Variants in PAPSS2 observed in about 807,000 individuals in gnomAD.
PAPSS2 encodes bifunctional 3'-phosphoadenosine 5'-phosphosulfate synthase 2.
PAPSS2 carries 61 observed loss-of-function variants against 66.5 expected under a neutral mutation model. That is an observed-to-expected ratio of 0.92 (90% CI 0.75 to 1.14). PAPSS2 has a LOEUF of 1.14. Among genes scored for constraint, PAPSS2 ranks in the 50% most tolerant of loss-of-function variants. The pLI is 0.00. For synonymous variants in PAPSS2, 289 were observed against 287.5 expected (o/e 1.01, Z -0.05); for missense variants, 708 against 789.6 (o/e 0.90, Z 1.24).
chr10:87,744,969 A>G (rs1262393889), intron 11 of PAPSS2, 33 bp from the exon 12 acceptor site: 1 of 1,586,410 alleles, frequency 6.3e-7, no homozygotes, highest in Non-Finnish European at 8.7e-7. Context: ...TTGACCCACA[A>G]TGACCAGCAT....
intron 1 of PAPSS2, among the ~76,000 whole-genome samples, chr10:87,672,099 A>C (rs2131897297): frequency 6.6e-6 from 1 of 152,312 alleles, no homozygotes; most frequent in South Asian, 2.1e-4. Context: ...AGTATTACAA[A>C]TCATAGATTA....
intron 1 of PAPSS2, among the ~76,000 whole-genome samples, chr10:87,705,979 G>T (rs1235877009): frequency 6.7e-6 from 1 of 150,240 alleles, no homozygotes; most frequent in Admixed American, 6.6e-5. Flanking sequence ...TGATCTGCCC[G>T]CCTCGGCCTC....
In PAPSS2 at chr10:87,716,803, A is replaced by G. The variant is rs148310757; in HGVS notation, c.865+960A>G. Among the ~76,000 whole-genome samples the G allele has an allele frequency of 1.1e-4, 17 of 152,300 alleles. No homozygotes were observed. In the East Asian group the frequency reaches 2.9e-3, roughly 26 times the overall value. On this transcript the variant is annotated intron_variant, in intron 7 of 12. Coordinates refer to ENST00000456849, the MANE Select transcript of PAPSS2 (RefSeq NM_001015880.2). ...CTGAATCCTTCACTTCTCAGATTAA[A>G]TAATATTCCCCAAAGACACTTAGTT...
Position 87,747,161 on chromosome 10 carries a change from C to T in PAPSS2, c.*1191C>T, listed in dbSNP as rs1170176284. 8.6e-5 allele frequency: 13 copies of T among 151,172 alleles called. No individual in the cohort carries two copies. Among genetic ancestry groups the T allele is most frequent in the Admixed American group, 7.9e-4 (12 of 15,178 alleles). 9.4% of individuals were successfully genotyped at this position (151,172 alleles called of 1,614,324 possible). On this transcript the variant is annotated 3_prime_UTR_variant, in exon 13 of 13. Transcript: ENST00000456849. Reference sequence around the variant, plus strand: ...ATACTGAAAGGTCGAGTTTTCTGAACTGCACTGATTTTATTGCAGTTGAAA... The same window carrying T: ...ATACTGAAAGGTCGAGTTTTCTGAATTGCACTGATTTTATTGCAGTTGAAA...
chr10:87,692,501 G>C (rs948273373), intron 1 of PAPSS2, among the ~76,000 whole-genome samples: 3 of 152,174 alleles, frequency 2.0e-5, no homozygotes, highest in Non-Finnish European at 4.4e-5. Context: ...TGAGAAGACA[G>C]AAAAGCTCTG....
chr10:87,738,432 T>C (rs962020786), intron 9 of PAPSS2, among the ~76,000 whole-genome samples: 1 of 147,116 alleles, frequency 6.8e-6, no homozygotes, highest in Non-Finnish European at 1.5e-5. Flanking sequence ...TGTGTGTGTG[T>C]GTGTGTGTCT....
intron 1 of PAPSS2, among the ~76,000 whole-genome samples, chr10:87,701,446 A>C: frequency 8.6e-6 from 1 of 116,368 alleles, no homozygotes; most frequent in African/African-American, 3.6e-5. Context: ...CTTTCAGACA[A>C]GGTCTCACTC....
chr10:87,670,677 C>T (rs1852866134), intron 1 of PAPSS2, among the ~76,000 whole-genome samples: 1 of 152,018 alleles, frequency 6.6e-6, no homozygotes, highest in African/African-American at 2.4e-5. Context: ...AGAGGAGCTG[C>T]ATTATTTAAA....
At chr10:87,674,442 A>G (rs1359193356) in intron 1 of PAPSS2, among the ~76,000 whole-genome samples, 1 of 152,222 alleles carries the variant, frequency 6.6e-6, no homozygotes, top group African/African-American at 2.4e-5. Flanking sequence ...CTGGGATTAC[A>G]GATATGAGCC....
At chr10:87,727,003 C>T (rs1853667175) in intron 8 of PAPSS2, among the ~76,000 whole-genome samples, 1 of 152,198 alleles carries the variant, frequency 6.6e-6, no homozygotes, top group African/African-American at 2.4e-5. Flanking sequence ...AGGGAACCCA[C>T]AAAGAGGCGT....
chr10:87,688,217 A>G (rs1463740587), intron 1 of PAPSS2, among the ~76,000 whole-genome samples: 1 of 151,942 alleles, frequency 6.6e-6, no homozygotes, highest in African/African-American at 2.4e-5. Flanking sequence ...TTAGGCATAT[A>G]TGACTATATG....
rs188744975 is a variant in PAPSS2 at position 87,729,223 on chromosome 10, T to C, written c.1086+1734T>C. ...TTCACTTTATCGTGCTTCACAGATT[T>C]TGCTTTTCTTTTCTTTTTTTTTTTT... On this transcript the variant is annotated intron_variant, in intron 9 of 12. Transcript: ENST00000456849. Among the ~76,000 whole-genome samples the C allele has an allele frequency of 4.6e-5, 6 of 131,292 alleles. No individual in the cohort carries two copies. In the East Asian group the frequency reaches 1.6e-3, roughly 35 times the overall value. The allele number at this position is 131,292 out of a possible 152,430, so 86.1% of individuals were successfully genotyped here.
At chr10:87,735,605 C>T (rs1040407559) in intron 9 of PAPSS2, among the ~76,000 whole-genome samples, 6 of 152,186 alleles carry the variant, frequency 3.9e-5, no homozygotes, top group Non-Finnish European at 8.8e-5. Flanking sequence ...GAAAACACAA[C>T]CGAAAACCTT....
chr10:87,697,515 G>T (rs112437026), intron 1 of PAPSS2, among the ~76,000 whole-genome samples: 1,805 of 152,302 alleles, frequency 0.012, 16 homozygotes, highest in Non-Finnish European at 0.02. Flanking sequence ...TGTCGTCAGG[G>T]TGTGTCCAAG....
At chr10:87,668,774 G>A (rs1483272542) in intron 1 of PAPSS2, among the ~76,000 whole-genome samples, 2 of 152,012 alleles carry the variant, frequency 1.3e-5, no homozygotes, top group East Asian at 1.9e-4. Context: ...TTGATATACA[G>A]CGTTAAGAGC....
At chr10:87,700,427 C>T (rs1466478140) in intron 1 of PAPSS2, among the ~76,000 whole-genome samples, 1 of 152,086 alleles carries the variant, frequency 6.6e-6, no homozygotes, top group Non-Finnish European at 1.5e-5. Flanking sequence ...GATGTTGAGG[C>T]AGGAGAATCA....
At chr10:87,661,158 T>G in intron 1 of PAPSS2, 1 of 392,200 alleles carries the variant, frequency 2.5e-6, no homozygotes, top group Non-Finnish European at 5.1e-6. Context: ...AAAAACAAAA[T>G]ATAAAGCCAA....
intron 9 of PAPSS2, among the ~76,000 whole-genome samples, chr10:87,731,278 C>T (rs764494255): frequency 5.9e-5 from 9 of 152,156 alleles, no homozygotes; most frequent in South Asian, 2.1e-4. Flanking sequence ...CTGTTTACAG[C>T]GTGGTTTACT....
intron 1 of PAPSS2, among the ~76,000 whole-genome samples, chr10:87,706,108 A>ATATATATATATATATGTGTGTGTGTGTG: frequency 6.5e-4 from 34 of 51,984 alleles, no homozygotes; most frequent in African/African-American, 2.9e-3. Flanking sequence ...ATATATATAT[A>ATATATATATATATATGTGTGTGTGTGTG]TGTGTGTGTG....
Sources: allele counts gnomAD v4.1 joint callset (sites outside exome capture counted in the v4.1 genomes callset), GRCh38; gene constraint gnomAD v4.1.1; transcripts MANE v1.5; gene names NCBI Gene and HGNC (gene_info 2026-07-23, HGNC 2026-07-21).